MAML3: variants seen among roughly 807,000 people sequenced by gnomAD.
MAML3 encodes the protein mastermind like transcriptional coactivator 3.
MAML3 carries 27 observed loss-of-function variants against 101.9 expected under a neutral mutation model. The ratio of observed to expected loss-of-function variants is 0.27; its 90% CI spans 0.20 to 0.37. The LOEUF is 0.37. Ranked by LOEUF, MAML3 falls within the 10% of genes least tolerant of loss-of-function variation. The pLI is 1.00. For synonymous variants in MAML3, 501 were observed against 555.9 expected, an observed-to-expected ratio of 0.90 and a Z score of 1.39; for missense variants, 1,316 against 1,444.9, an observed-to-expected ratio of 0.91 and a Z score of 1.45.
At chr4:140,111,087 A>G (rs1245029504) in intron 1 of MAML3, among the ~76,000 whole-genome samples, 2 of 152,264 alleles carry the variant, frequency 1.3e-5, no homozygotes, top group Non-Finnish European at 2.9e-5. Context: ...TCAGCACATT[A>G]TAGTCATGAA....
chr4:140,000,079 A>T (rs1372641019), intron 1 of MAML3, among the ~76,000 whole-genome samples: 1 of 152,200 alleles, frequency 6.6e-6, no homozygotes, highest in African/African-American at 2.4e-5. Flanking sequence ...TACTTTTTGG[A>T]ATGATCTTTC....
At chr4:140,020,920 C>T (rs1281398448) in intron 1 of MAML3, among the ~76,000 whole-genome samples, 1 of 152,104 alleles carries the variant, frequency 6.6e-6, no homozygotes, top group African/African-American at 2.4e-5. Flanking sequence ...GGTCAGATGA[C>T]AAAGCAAAAT....
At chr4:139,734,425 C>G (rs929864805) in intron 2 of MAML3, among the ~76,000 whole-genome samples, 1 of 152,208 alleles carries the variant, frequency 6.6e-6, no homozygotes, top group Non-Finnish European at 1.5e-5. Context: ...CTTGCTTCTC[C>G]CAAGAATCTT....
At chr4:140,149,933 T>C (rs985609814) in intron 1 of MAML3, among the ~76,000 whole-genome samples, 1 of 74,780 alleles carries the variant, frequency 1.3e-5, no homozygotes, top group Admixed American at 2.1e-4. Context: ...TAGAGCATGT[T>C]TCTTTCTTTT....
chr4:139,802,445 C>T (rs1730626478), intron 2 of MAML3, among the ~76,000 whole-genome samples: 1 of 152,190 alleles, frequency 6.6e-6, no homozygotes, highest in Non-Finnish European at 1.5e-5. Flanking sequence ...TGCCCGACTT[C>T]CTCTCATCAC....
At chr4:140,043,708 C>T (rs761331883) in intron 1 of MAML3, among the ~76,000 whole-genome samples, 21 of 152,124 alleles carry the variant, frequency 1.4e-4, no homozygotes, top group Non-Finnish European at 2.6e-4. Flanking sequence ...CAATCGTGCC[C>T]ACCTAGATTC....
At chr4:140,002,201 T>C (rs1210888689) in intron 1 of MAML3, among the ~76,000 whole-genome samples, 3 of 152,172 alleles carry the variant, frequency 2.0e-5, no homozygotes, top group East Asian at 1.9e-4. Context: ...GACCAACAAC[T>C]CTCACCCCCT....
chr4:140,074,227 A>AAG (rs1230801483), intron 1 of MAML3, among the ~76,000 whole-genome samples: 5 of 46,374 alleles, frequency 1.1e-4, no homozygotes, highest in Non-Finnish European at 3.3e-4. Flanking sequence ...GAAAGAAAGA[A>AAG]AGAAAGAAAG....
At chr4:139,989,854 C>A (rs1457130522) in intron 1 of MAML3, among the ~76,000 whole-genome samples, 4 of 87,574 alleles carry the variant, frequency 4.6e-5, no homozygotes, top group African/African-American at 1.7e-4. Flanking sequence ...CAAACAAACA[C>A]ACACACACAC....
At chr4:140,066,676 G>A (rs1057179096) in intron 1 of MAML3, among the ~76,000 whole-genome samples, 2 of 152,180 alleles carry the variant, frequency 1.3e-5, no homozygotes, top group African/African-American at 4.8e-5. Flanking sequence ...TTTCCTGCAA[G>A]GTCACCAGAG....
At chr4:140,040,450 T>C (rs1173391417) in intron 1 of MAML3, among the ~76,000 whole-genome samples, 1 of 152,256 alleles carries the variant, frequency 6.6e-6, no homozygotes, top group African/African-American at 2.4e-5. Flanking sequence ...CCCTCCCACC[T>C]GAACATCAAC....
At chr4:139,859,227 A>T (rs1274871489) in intron 2 of MAML3, among the ~76,000 whole-genome samples, 15 of 135,520 alleles carry the variant, frequency 1.1e-4, no homozygotes, top group African/African-American at 3.0e-4. Context: ...GTTCTACTAC[A>T]TTTTTTTTTT....
At chr4:140,049,555 G>T (rs377691383) in intron 1 of MAML3, among the ~76,000 whole-genome samples, 83 of 152,346 alleles carry the variant, frequency 5.4e-4, no homozygotes, top group African/African-American at 1.9e-3. Context: ...ACTATTAAGA[G>T]CAAGGCTTAA....
chr4:139,981,238 C>A (rs1007488699), intron 1 of MAML3, among the ~76,000 whole-genome samples: 2 of 152,172 alleles, frequency 1.3e-5, no homozygotes, highest in African/African-American at 4.8e-5. Flanking sequence ...TGCACAGACA[C>A]CCCGGTGTTT....
intron 1 of MAML3, among the ~76,000 whole-genome samples, chr4:140,126,416 G>T (rs1244173150): frequency 6.6e-6 from 1 of 152,056 alleles, no homozygotes; most frequent in African/African-American, 2.4e-5. Flanking sequence ...CCAAATCCCA[G>T]GAGACTGGTC....
intron 2 of MAML3, among the ~76,000 whole-genome samples, chr4:139,745,823 T>C (rs575461933): frequency 5.9e-5 from 9 of 152,340 alleles, no homozygotes; most frequent in African/African-American, 2.2e-4. Context: ...ACAGTAGGTA[T>C]ATACTGTGAA....
At chr4:139,824,494 G>A (rs1008919026) in intron 2 of MAML3, among the ~76,000 whole-genome samples, 1 of 152,184 alleles carries the variant, frequency 6.6e-6, no homozygotes, top group South Asian at 2.1e-4. Flanking sequence ...GTCTTGGGAC[G>A]ATTATACAGA....
intron 1 of MAML3, among the ~76,000 whole-genome samples, chr4:140,083,967 CAGAGAGAG>C (rs72201205): frequency 0.036 from 2,934 of 81,010 alleles, 38 homozygotes; most frequent in East Asian, 0.088. Context: ...CACACACACA[CAGAGAGAG>C]AGAGAGAGAG....
At chr4:139,758,730 G>C (rs141714599) in intron 2 of MAML3, among the ~76,000 whole-genome samples, 1 of 152,296 alleles carries the variant, frequency 6.6e-6, no homozygotes, top group East Asian at 1.9e-4. Flanking sequence ...CCTTATCCAT[G>C]TCATCTGATG....
Sources: allele counts gnomAD v4.1 joint callset (sites outside exome capture counted in the v4.1 genomes callset), GRCh38; gene constraint gnomAD v4.1.1; transcripts MANE v1.5; gene names NCBI Gene and HGNC (gene_info 2026-07-23, HGNC 2026-07-21).